CLOCK: variants seen among roughly 807,000 people sequenced by gnomAD.
CLOCK encodes circadian locomoter output cycles protein kaput.
CLOCK carries 43 observed loss-of-function variants against 118.4 expected under a neutral mutation model. The observed-to-expected ratio is 0.36, with a 90% CI of 0.28 to 0.47. CLOCK has a LOEUF of 0.47. Ranked by LOEUF, CLOCK falls within the 20% of genes least tolerant of loss-of-function variation. The probability of loss-of-function intolerance (pLI) is 1.00; values close to 1 mark genes in which losing one functional copy is unlikely to be tolerated. For missense variants in CLOCK, 846 were observed against 999.9 expected, an observed-to-expected ratio of 0.85 and a Z score of 2.08; for synonymous variants, 326 against 339.2, an observed-to-expected ratio of 0.96 and a Z score of 0.43.
At position 55,444,578 on chromosome 4, in the gene CLOCK, T is replaced by C. The variant is rs538622546; in HGVS notation, c.1692+55A>G. 1.6e-4 allele frequency: 256 copies of C among 1,610,954 alleles called. No individual in the cohort carries two copies. In the Admixed American group the frequency reaches 4.2e-3, roughly 26 times the overall value. ...TTTAATTAAGAAAAGTTAATTTTCCTAGAAATCCAAAATGTGAATGGGATG... is the reference window on the plus strand; with the variant it reads ...TTTAATTAAGAAAAGTTAATTTTCCCAGAAATCCAAAATGTGAATGGGATG... On this transcript the variant is annotated intron_variant, in intron 19 of 22. Transcript: ENST00000513440.
At chr4:55,454,673 G>C (rs1204142169) in intron 13 of CLOCK, among the ~76,000 whole-genome samples, 3 of 142,738 alleles carry the variant, frequency 2.1e-5, no homozygotes, top group Admixed American at 1.4e-4. Context: ...GAAACTTTTT[G>C]TTAAATAGGT....
In CLOCK at chr4:55,435,255, T is replaced by G; in HGVS notation, c.*160A>C. ...GGTATTTAATGTACATCTGTAGCAC[T>G]AGGCAGCATTTTCTCTGCCAACTAA... On this transcript the variant is annotated 3_prime_UTR_variant, in exon 23 of 23. Transcript: ENST00000513440. The G allele has an allele frequency of 1.3e-6, 1 of 790,492 alleles. No homozygotes were observed. The highest frequency in any genetic ancestry group is 1.6e-5 in the South Asian group (1 of 60,740). The allele number at this position is 790,492 out of a possible 1,614,324, so 49.0% of individuals were successfully genotyped here.
At chr4:55,508,442 T>C (rs1728942939) in intron 2 of CLOCK, among the ~76,000 whole-genome samples, 1 of 152,202 alleles carries the variant, frequency 6.6e-6, no homozygotes, top group Non-Finnish European at 1.5e-5. Context: ...AAAAGTATAA[T>C]TAAGTCACTG....
intron 1 of CLOCK, among the ~76,000 whole-genome samples, chr4:55,517,115 A>G (rs533274598): frequency 6.6e-4 from 100 of 152,360 alleles, no homozygotes; most frequent in African/African-American, 2.3e-3. Flanking sequence ...TAAAAAGATA[A>G]TGATTTTTCC....
At chr4:55,482,134 T>A (rs1395571260) in intron 4 of CLOCK, among the ~76,000 whole-genome samples, 1 of 152,192 alleles carries the variant, frequency 6.6e-6, no homozygotes, top group Non-Finnish European at 1.5e-5. Flanking sequence ...GGTACCTGTG[T>A]AGGTTTTTCA....
chr4:55,503,250 G>A (rs745790822), intron 2 of CLOCK, among the ~76,000 whole-genome samples: 2 of 152,134 alleles, frequency 1.3e-5, no homozygotes, highest in Non-Finnish European at 2.9e-5. Context: ...CACCCCAAAT[G>A]TTCATCACAG....
Position 55,434,075 on chromosome 4 carries a change from AG to A in CLOCK, c.*1339del, listed in dbSNP as rs1368062291. Reference sequence around the variant, plus strand: ...CCAAGAGACTGATAGCAGTCTTCAGAGGAACTTATTAGGAGACTAATAATGA... The same window carrying A: ...CCAAGAGACTGATAGCAGTCTTCAGAGAACTTATTAGGAGACTAATAATGA... On this transcript the variant is annotated 3_prime_UTR_variant, in exon 23 of 23. Coordinates refer to ENST00000513440, the MANE Select transcript of CLOCK (RefSeq NM_004898.4). The A allele has an allele frequency of 1.3e-5, 2 of 152,634 alleles. No individual in the cohort carries two copies. The highest frequency in any genetic ancestry group is 1.3e-4 in the Admixed American group (2 of 15,270). 9.5% of individuals were successfully genotyped at this position (152,634 alleles called of 1,614,324 possible). A position where few individuals can be genotyped will look rare whatever the true frequency, so the allele number is the denominator to read the frequency against.
chr4:55,529,023 AC>A (rs1237766085), intron 1 of CLOCK, among the ~76,000 whole-genome samples: 1 of 152,232 alleles, frequency 6.6e-6, no homozygotes, highest in Non-Finnish European at 1.5e-5. Context: ...GTCCATGACT[AC>A]AATCCAGGAA....
At chr4:55,451,430 T>C (rs1311766721) in intron 15 of CLOCK, among the ~76,000 whole-genome samples, 1 of 152,178 alleles carries the variant, frequency 6.6e-6, no homozygotes, top group Non-Finnish European at 1.5e-5. Flanking sequence ...CTCCATCACC[T>C]CTTAATATTG....
At chr4:55,526,909 T>C (rs1231987219) in intron 1 of CLOCK, among the ~76,000 whole-genome samples, 1 of 131,682 alleles carries the variant, frequency 7.6e-6, no homozygotes, top group Non-Finnish European at 1.5e-5. Flanking sequence ...ATCACACCAC[T>C]GCACTCCAGC....
At chr4:55,507,068 C>T (rs1449959060) in intron 2 of CLOCK, among the ~76,000 whole-genome samples, 1 of 152,074 alleles carries the variant, frequency 6.6e-6, no homozygotes. Context: ...AATCACAGCA[C>T]TTTGGGAGGC....
intron 1 of CLOCK, among the ~76,000 whole-genome samples, chr4:55,515,515 C>T (rs1187755591): frequency 6.6e-6 from 1 of 152,168 alleles, no homozygotes; most frequent in African/African-American, 2.4e-5. Context: ...GCTGGGACTA[C>T]AGGCGCCTGA....
intron 6 of CLOCK, among the ~76,000 whole-genome samples, chr4:55,477,824 G>A (rs1433332570): frequency 1.3e-5 from 2 of 151,856 alleles, no homozygotes; most frequent in Non-Finnish European, 2.9e-5. Flanking sequence ...GAGGAAAGAA[G>A]TTAGTTTCAG....
At chr4:55,480,342 G>GGCT (rs1430530895) in intron 4 of CLOCK, among the ~76,000 whole-genome samples, 11 of 152,230 alleles carry the variant, frequency 7.2e-5, no homozygotes, top group African/African-American at 2.4e-4. Flanking sequence ...ATGGCTCACT[G>GGCT]CAGCCTCAAC....
chr4:55,493,450 T>C (rs1424676479), intron 2 of CLOCK, among the ~76,000 whole-genome samples: 3 of 152,326 alleles, frequency 2.0e-5, no homozygotes, highest in African/African-American at 4.8e-5. Flanking sequence ...ACCGGTATAA[T>C]ACAAAACCTA....
intron 1 of CLOCK, among the ~76,000 whole-genome samples, chr4:55,537,730 G>A (rs1475945245): frequency 2.0e-5 from 3 of 152,196 alleles, no homozygotes; most frequent in Non-Finnish European, 2.9e-5. Flanking sequence ...AGAGGTCAAG[G>A]CTGCAATGGG....
intron 2 of CLOCK, among the ~76,000 whole-genome samples, chr4:55,498,085 G>T (rs555906937): frequency 7.2e-4 from 63 of 87,036 alleles, no homozygotes; most frequent in Middle Eastern, 6.2e-3. Context: ...ACAATGCTAG[G>T]TTTAGAGCTA....
intron 2 of CLOCK, among the ~76,000 whole-genome samples, chr4:55,492,686 A>G (rs943272609): frequency 1.3e-5 from 2 of 152,010 alleles, no homozygotes; most frequent in African/African-American, 4.8e-5. Context: ...CTCTACTACA[A>G]ATATAAAAAT....
chr4:55,460,928 CT>C (rs11441195), intron 9 of CLOCK, among the ~76,000 whole-genome samples: 180 of 145,512 alleles, frequency 1.2e-3, no homozygotes, highest in Non-Finnish European at 1.5e-3. Context: ...CTTTCCTCTC[CT>C]TTTTTTTTTT....
Sources: allele counts gnomAD v4.1 joint callset (sites outside exome capture counted in the v4.1 genomes callset), GRCh38; gene constraint gnomAD v4.1.1; transcripts MANE v1.5; gene names NCBI Gene and HGNC (gene_info 2026-07-23, HGNC 2026-07-21).